The following FAM193A variants were observed in gnomAD, a reference collection of about 807,000 sequenced individuals.
The protein encoded by FAM193A is family with sequence similarity 193 member A.
A neutral mutation model predicts 126.5 loss-of-function variants in FAM193A; 22 were observed. The observed-to-expected ratio is 0.17, with a 90% CI of 0.12 to 0.25. The LOEUF (loss-of-function observed/expected upper bound fraction) is 0.25, where lower values mean the gene tolerates loss of function less well. FAM193A is among the 10% of genes least tolerant of loss of function. The pLI is 1.00. For synonymous variants in FAM193A, 761 were observed against 646.8 expected, an observed-to-expected ratio of 1.18 and a Z score of -2.68; for missense variants, 1,675 against 1,672.8, an observed-to-expected ratio of 1.00 and a Z score of -0.02.
chr4:2,590,127 T>A (rs1740438697), intron 1 of FAM193A, among the ~76,000 whole-genome samples: 1 of 128,482 alleles, frequency 7.8e-6, no homozygotes, highest in Non-Finnish European at 1.6e-5. Flanking sequence ...AGAGCGAGAC[T>A]CTGTCTCAAA....
At chr4:2,644,883 TAAAC>T (rs979249357) in intron 6 of FAM193A, among the ~76,000 whole-genome samples, 3 of 152,210 alleles carry the variant, frequency 2.0e-5, no homozygotes, top group African/African-American at 4.8e-5. Flanking sequence ...TAGAAAATCG[TAAAC>T]AAAGTTAGGT....
chr4:2,580,988 G>C (rs9762338), intron 1 of FAM193A, among the ~76,000 whole-genome samples: 36,531 of 151,732 alleles, frequency 0.24, 4,557 homozygotes, highest in East Asian at 0.35. Context: ...AATTAGCCGG[G>C]TGTGGTGGCG....
chr4:2,617,240 T>TTTTTTATATATATATATATATATATATA (rs377206444), intron 2 of FAM193A, among the ~76,000 whole-genome samples: 1 of 35,242 alleles, frequency 2.8e-5, no homozygotes, highest in Non-Finnish European at 4.4e-5. Context: ...TATGTTTTTA[T>TTTTTTATATATATATATATATATATATA]TATATATATA....
intron 7 of FAM193A, chr4:2,655,014 C>T (rs1711521379): frequency 1.5e-6 from 1 of 647,646 alleles, no homozygotes; most frequent in African/African-American, 1.8e-5. Context: ...ATAGGTTTAT[C>T]TCATCTTTTC....
At chr4:2,536,171 C>A (rs964519559), upstream of FAM193A, among the ~76,000 whole-genome samples, 6 of 150,726 alleles carry the variant, frequency 4.0e-5, no homozygotes, top group African/African-American at 1.5e-4. Flanking sequence ...GCGAGGCGGG[C>A]GGGGCGGGCG....
At chr4:2,678,485 C>A (rs964001408) in intron 13 of FAM193A, among the ~76,000 whole-genome samples, 1 of 151,796 alleles carries the variant, frequency 6.6e-6, no homozygotes, top group Admixed American at 6.6e-5. Context: ...GCCTCAGCCT[C>A]CTGAGTAGCT....
At chr4:2,631,267 C>T (rs922369082) in intron 5 of FAM193A, 98 bp downstream of exon 5, 2 of 1,011,052 alleles carry the variant, frequency 2.0e-6, no homozygotes. Flanking sequence ...ACCTCGCTGT[C>T]ACACCCCCAC....
intron 1 of FAM193A, among the ~76,000 whole-genome samples, chr4:2,580,368 ACAAGTGATGGCTAC>A (rs1316418898): frequency 6.6e-6 from 1 of 152,212 alleles, no homozygotes; most frequent in Non-Finnish European, 1.5e-5. Context: ...AGGAAAAATA[ACAAGTGATGGCTAC>A]TAAGCTTACT....
chr4:2,652,494 C>G (rs1459453889), intron 7 of FAM193A, among the ~76,000 whole-genome samples: 1 of 152,052 alleles, frequency 6.6e-6, no homozygotes, highest in Non-Finnish European at 1.5e-5. Flanking sequence ...TGGGAGGCCT[C>G]GGGAAACTTA....
intron 16 of FAM193A, among the ~76,000 whole-genome samples, chr4:2,694,699 G>A (rs764388241): frequency 6.6e-5 from 10 of 152,188 alleles, no homozygotes; most frequent in South Asian, 4.1e-4. Context: ...GAGAGACTAC[G>A]TGTTCCTGTT....
At chr4:2,553,136 C>T (rs1738045091) in intron 1 of FAM193A, among the ~76,000 whole-genome samples, 1 of 152,016 alleles carries the variant, frequency 6.6e-6, no homozygotes, top group African/African-American at 2.4e-5. Flanking sequence ...GCTTGAGCCA[C>T]TGTGCCTGGC....
intron 1 of FAM193A, among the ~76,000 whole-genome samples, chr4:2,538,090 TATA>T (rs1024404871): frequency 1.3e-5 from 2 of 152,228 alleles, no homozygotes; most frequent in African/African-American, 4.8e-5. Context: ...GTTGCGTTCT[TATA>T]ATGTTATTTA....
chr4:2,699,914 G>C lies in FAM193A; in HGVS notation c.3742G>C (p.Ala1248Pro). 1 of 1,614,014 alleles carries C rather than the reference G, an allele frequency of 6.2e-7. No individual in the cohort carries two copies. Among genetic ancestry groups the C allele is most frequent in the African/African-American group, 1.3e-5 (1 of 74,958 alleles). The change falls in exon 19 of 21, where the codon GCA becomes CCA. Residue 1248 changes from alanine (A) to proline (P), a missense_variant. Ala to Pro is a conservative substitution (Grantham distance 27). This residue lies in a region of FAM193A where 415 missense variants were observed against 396.7 expected (regional missense o/e 1.05). Coordinates refer to ENST00000637812, the MANE Select transcript of FAM193A (RefSeq NM_001366318.2). ...GGACATGCTCACTAGAAATTTCCAGGCAGCAACAGAGTCTGTTCCTAACTC... is the reference window on the plus strand; with the variant it reads ...GGACATGCTCACTAGAAATTTCCAGCCAGCAACAGAGTCTGTTCCTAACTC... ...KLDMLTRNFQ[A>P]ATESVPNSGN...
intron 19 of FAM193A, among the ~76,000 whole-genome samples, chr4:2,704,255 C>A (rs1194546714): frequency 1.4e-5 from 2 of 139,904 alleles, no homozygotes; most frequent in Non-Finnish European, 3.1e-5. Flanking sequence ...GAGTGAGACT[C>A]CATCTCAAAA....
intron 1 of FAM193A, among the ~76,000 whole-genome samples, chr4:2,543,435 A>C (rs999916854): frequency 8.6e-5 from 13 of 151,806 alleles, no homozygotes; most frequent in South Asian, 2.1e-4. Context: ...GGTAGCTCAT[A>C]CCTATAATCC....
intron 13 of FAM193A, among the ~76,000 whole-genome samples, chr4:2,683,444 G>A (rs916957499): frequency 1.3e-5 from 2 of 152,038 alleles, no homozygotes; most frequent in Non-Finnish European, 2.9e-5. Flanking sequence ...ACAGGCTCCC[G>A]CCATCATGCC....
intron 20 of FAM193A, among the ~76,000 whole-genome samples, chr4:2,718,868 G>A (rs936017492): frequency 1.3e-5 from 2 of 152,108 alleles, no homozygotes; most frequent in African/African-American, 4.8e-5. Context: ...AAATCAACCT[G>A]AGGTAAAAAT....
At chr4:2,657,701 T>C (rs1711878090) in intron 7 of FAM193A, 102 bp from the exon 8 acceptor site, 1 of 714,008 alleles carries the variant, frequency 1.4e-6, no homozygotes, top group Admixed American at 2.4e-5. Flanking sequence ...GTTTCTCTCA[T>C]ATATATCATT....
intron 1 of FAM193A, among the ~76,000 whole-genome samples, chr4:2,561,139 C>T (rs1229746775): frequency 1.3e-5 from 2 of 152,184 alleles, no homozygotes; most frequent in Non-Finnish European, 1.5e-5. Context: ...AGTTCTTCCT[C>T]TCAAGTTCAC....
Sources: allele counts gnomAD v4.1 joint callset (sites outside exome capture counted in the v4.1 genomes callset), GRCh38; gene constraint gnomAD v4.1.1; regional missense constraint gnomAD v4.1.1; transcripts MANE v1.5; gene names NCBI Gene and HGNC (gene_info 2026-07-23, HGNC 2026-07-21).